CNTN5: variants seen among roughly 807,000 people sequenced by gnomAD.
CNTN5 encodes contactin-5.
A neutral mutation model predicts 129.1 loss-of-function variants in CNTN5; 77 were observed. The observed-to-expected ratio is 0.60, with a 90% CI of 0.50 to 0.72. The LOEUF is 0.72. CNTN5 is among the 30% of genes least tolerant of loss of function. The pLI is 0.00. For missense variants in CNTN5, 1,478 were observed against 1,328.8 expected, an observed-to-expected ratio of 1.11 and a Z score of -1.75; for synonymous variants, 509 against 465.6, an observed-to-expected ratio of 1.09 and a Z score of -1.20.
intron 3 of CNTN5, among the ~76,000 whole-genome samples, chr11:99,804,985 G>A (rs1313367439): frequency 6.6e-6 from 1 of 151,936 alleles, no homozygotes; most frequent in Non-Finnish European, 1.5e-5. Context: ...ACAAAACATG[G>A]CCTCATCTAT....
intron 7 of CNTN5, among the ~76,000 whole-genome samples, chr11:99,925,905 G>A (rs1187032415): frequency 6.6e-6 from 1 of 152,052 alleles, no homozygotes; most frequent in Admixed American, 6.6e-5. Context: ...CTTCTAAATA[G>A]CTATATTGTA....
At chr11:99,108,034 G>A (rs912812463) in intron 1 of CNTN5, among the ~76,000 whole-genome samples, 2 of 150,752 alleles carry the variant, frequency 1.3e-5, no homozygotes, top group Non-Finnish European at 2.9e-5. Flanking sequence ...ACTATGAATC[G>A]TTTGATGTGT....
chr11:99,258,437 T>G (rs1862476699), intron 1 of CNTN5, among the ~76,000 whole-genome samples: 1 of 152,068 alleles, frequency 6.6e-6, no homozygotes, highest in Non-Finnish European at 1.5e-5. Context: ...AATATATTCT[T>G]AAGAGTTTAT....
intron 3 of CNTN5, among the ~76,000 whole-genome samples, chr11:99,667,032 T>C (rs1952820952): frequency 6.6e-6 from 1 of 151,990 alleles, no homozygotes; most frequent in Non-Finnish European, 1.5e-5. Context: ...TAATTATTAG[T>C]ATCATAATTA....
chr11:99,203,165 A>G (rs1418187650), intron 1 of CNTN5, among the ~76,000 whole-genome samples: 1 of 152,152 alleles, frequency 6.6e-6, no homozygotes, highest in Non-Finnish European at 1.5e-5. Flanking sequence ...CTCTTACCCT[A>G]AATATTATTT....
intron 2 of CNTN5, among the ~76,000 whole-genome samples, chr11:99,430,272 CT>C (rs1565575732): frequency 2.0e-5 from 3 of 151,436 alleles, no homozygotes; most frequent in Admixed American, 2.0e-4. Context: ...CACGTGTTTT[CT>C]TTTTTGTTTA....
At chr11:100,295,942 T>TA (rs1951091190) in intron 18 of CNTN5, among the ~76,000 whole-genome samples, 1 of 151,348 alleles carries the variant, frequency 6.6e-6, no homozygotes, top group African/African-American at 2.4e-5. Flanking sequence ...TATATACATT[T>TA]AAAAAAACAA....
intron 4 of CNTN5, among the ~76,000 whole-genome samples, chr11:99,840,137 C>A (rs1311415096): frequency 6.6e-6 from 1 of 152,108 alleles, no homozygotes; most frequent in Non-Finnish European, 1.5e-5. Context: ...AGTCAGACTA[C>A]TTCACCATGG....
intron 16 of CNTN5, among the ~76,000 whole-genome samples, chr11:100,235,038 G>A (rs1949580161): frequency 6.6e-6 from 1 of 152,012 alleles, no homozygotes; most frequent in Admixed American, 6.5e-5. Context: ...CTACTTATCT[G>A]TAAATTATAC....
intron 1 of CNTN5, among the ~76,000 whole-genome samples, chr11:99,033,619 G>A (rs1245539126): frequency 6.6e-6 from 1 of 151,370 alleles, no homozygotes; most frequent in East Asian, 1.9e-4. Flanking sequence ...CATTGATTTT[G>A]TATCCTGAGA....
chr11:99,283,602 C>A (rs1223019368), intron 1 of CNTN5, among the ~76,000 whole-genome samples: 18 of 152,114 alleles, frequency 1.2e-4, no homozygotes. Flanking sequence ...GATAAAAATT[C>A]TATTTGGTGC....
chr11:99,753,951 G>C (rs1308661207), intron 3 of CNTN5, among the ~76,000 whole-genome samples: 1 of 146,774 alleles, frequency 6.8e-6, no homozygotes. Flanking sequence ...GCCCCCCAAA[G>C]TTCTGGGATT....
intron 1 of CNTN5, among the ~76,000 whole-genome samples, chr11:99,273,894 A>G (rs946736418): frequency 1.3e-5 from 2 of 151,760 alleles, no homozygotes; most frequent in Non-Finnish European, 2.9e-5. Flanking sequence ...CTAAAAAAAT[A>G]CATTGCTTCT....
intron 3 of CNTN5, among the ~76,000 whole-genome samples, chr11:99,557,188 A>G (rs1306249528): frequency 1.3e-5 from 2 of 151,156 alleles, no homozygotes; most frequent in African/African-American, 4.8e-5. Context: ...TAAAGCAGTA[A>G]AATATTCATT....
intron 13 of CNTN5, among the ~76,000 whole-genome samples, chr11:100,157,050 G>A (rs566879380): frequency 2.6e-5 from 4 of 151,800 alleles, no homozygotes; most frequent in Admixed American, 1.3e-4. Context: ...GAATTTGTTT[G>A]CTCTTGCTTC....
At chr11:99,396,655 A>T (rs999413620) in intron 2 of CNTN5, among the ~76,000 whole-genome samples, 1 of 151,748 alleles carries the variant, frequency 6.6e-6, no homozygotes, top group South Asian at 2.1e-4. Flanking sequence ...TATTTTTATT[A>T]TAAGAAAGCT....
intron 3 of CNTN5, among the ~76,000 whole-genome samples, chr11:99,787,815 T>G (rs1050736491): frequency 1.4e-4 from 21 of 152,000 alleles, no homozygotes; most frequent in Admixed American, 1.4e-3. Context: ...TCTCGTGACC[T>G]CATTCTATAA....
intron 3 of CNTN5, among the ~76,000 whole-genome samples, chr11:99,794,164 T>C (rs944764357): frequency 3.4e-5 from 5 of 146,192 alleles, no homozygotes; most frequent in African/African-American, 1.2e-4. Flanking sequence ...TACTGTAAGG[T>C]AATGTCCTTC....
At chr11:99,878,817 T>G (rs1303990626) in intron 6 of CNTN5, among the ~76,000 whole-genome samples, 1 of 151,888 alleles carries the variant, frequency 6.6e-6, no homozygotes, top group African/African-American at 2.4e-5. Flanking sequence ...ATTGGGCCAA[T>G]GCACTCCAGC....
Sources: gnomAD v4.1 joint callset for allele counts (sites outside exome capture counted in the v4.1 genomes callset) on GRCh38, gnomAD v4.1.1 for gene constraint, MANE v1.5 for transcripts, NCBI Gene and HGNC (gene_info 2026-07-23, HGNC 2026-07-21) for gene names.